The following MOCOS variants were observed in gnomAD, a reference collection of about 807,000 sequenced individuals.
MOCOS encodes the protein human molybdenum cofactor sulfurase.
In MOCOS, 86 loss-of-function variants were observed where a neutral mutation model predicts 83.6. That is an observed-to-expected ratio of 1.03 (90% CI 0.86 to 1.23). MOCOS has a LOEUF of 1.23. Among genes scored for constraint, MOCOS ranks in the 50% most tolerant of loss-of-function variants. MOCOS has a pLI of 0.00. For missense variants in MOCOS, 1,120 were observed against 1,126.9 expected, an observed-to-expected ratio of 0.99 and a Z score of 0.09; for synonymous variants, 445 against 434.7, an observed-to-expected ratio of 1.02 and a Z score of -0.29.
intron 11 of MOCOS, 72 bp downstream of exon 11, chr18:36,251,355 T>C (rs1474420053): frequency 7.6e-6 from 12 of 1,568,832 alleles, no homozygotes; most frequent in Non-Finnish European, 1.0e-5. Context: ...AAACAGCCCA[T>C]GAACTGCACT....
At chr18:36,211,808 T>C (rs1183905727) in intron 6 of MOCOS, among the ~76,000 whole-genome samples, 2 of 151,330 alleles carry the variant, frequency 1.3e-5, no homozygotes, top group Non-Finnish European at 2.9e-5. Context: ...GATCTGTGGG[T>C]CTTCCCCTAG....
chr18:36,218,858 TTTATTTA>T (rs1161553876), intron 8 of MOCOS, among the ~76,000 whole-genome samples: 1 of 147,938 alleles, frequency 6.8e-6, no homozygotes, highest in African/African-American at 2.5e-5. Context: ...TATTTATTTA[TTTATTTA>T]TTTATTTATT....
chr18:36,196,127 G>A lies in MOCOS; in HGVS notation c.232+781G>A, dbSNP rs189632669. 3.1e-3 allele frequency among the ~76,000 whole-genome samples: 468 copies of A among 152,288 alleles called. 3 individuals are homozygous for A. Among genetic ancestry groups the A allele is most frequent in the African/African-American group, 9.7e-3 (402 of 41,560 alleles). On this transcript the variant is annotated intron_variant, in intron 2 of 14. Transcript: ENST00000261326. ...GGGAGGGAGAAGAAGCCAGTGCAGG[G>A]CATTGTAGATGCTTGATCTTTGTTC...
intron 1 of MOCOS, among the ~76,000 whole-genome samples, chr18:36,192,256 G>A (rs185721451): frequency 1.3e-5 from 2 of 152,292 alleles, no homozygotes; most frequent in East Asian, 1.9e-4. Flanking sequence ...AACAAATTTA[G>A]CCAAGTGGTA....
At chr18:36,233,500 G>A (rs1004018290) in intron 9 of MOCOS, among the ~76,000 whole-genome samples, 1 of 152,182 alleles carries the variant, frequency 6.6e-6, no homozygotes, top group African/African-American at 2.4e-5. Context: ...ATAAACATAT[G>A]TGCACAAGTG....
In MOCOS at chr18:36,232,055, C is replaced by T. The variant is rs913356405; in HGVS notation, c.1960+11838C>T. Among the ~76,000 whole-genome samples, 29 of 152,312 alleles carry T rather than the reference C, an allele frequency of 1.9e-4. 1 individual carries two copies. The highest frequency in any genetic ancestry group is 6.7e-4 in the African/African-American group (28 of 41,572). The stretch of plus-strand genomic sequence containing the variant: ...AATCTCAGCTCACTGCAACCTCCAT[C>T]TCCTGGGCTCAAGCCTCAAGCGATC... On this transcript the variant is annotated intron_variant, in intron 9 of 14. Coordinates refer to ENST00000261326, the MANE Select transcript of MOCOS (RefSeq NM_017947.4).
At chr18:36,187,781 AT>A (rs2091347417) in intron 1 of MOCOS, 100 bp downstream of exon 1, 7 of 1,213,244 alleles carry the variant, frequency 5.8e-6, no homozygotes, top group Non-Finnish European at 7.2e-6. Context: ...ATTCGGGCGC[AT>A]TTTGAATCGA....
Position 36,220,125 on chromosome 18 carries a change from G to A in MOCOS, c.1868G>A (p.Gly623Asp). Residue 623 changes from glycine (G) to aspartate (D), a missense_variant, in exon 9 of 15, where the codon GGT becomes GAT. By Grantham distance (94) the Gly-to-Asp change is moderately conservative (BLOSUM62 -1). Coordinates refer to ENST00000261326, the MANE Select transcript of MOCOS (RefSeq NM_017947.4). Reference sequence around the variant, plus strand: ...AGCTGGATGGTTGTGAATCACAATGGTGTTTGCCTGAGTCAGAAGCAGGAA... The same window carrying A: ...AGCTGGATGGTTGTGAATCACAATGATGTTTGCCTGAGTCAGAAGCAGGAA... Reference protein sequence around the residue: ...DRSWMVVNHNGVCLSQKQEPR... With the variant: ...DRSWMVVNHNDVCLSQKQEPR... The A allele has an allele frequency of 6.2e-7, 1 of 1,614,150 alleles. No homozygotes were observed. Among genetic ancestry groups the A allele is most frequent in the Non-Finnish European group, 8.5e-7 (1 of 1,180,026 alleles).
At chr18:36,196,162 T>C (rs1418872383) in intron 2 of MOCOS, among the ~76,000 whole-genome samples, 1 of 152,184 alleles carries the variant, frequency 6.6e-6, no homozygotes, top group Non-Finnish European at 1.5e-5. Flanking sequence ...CTAGGAGCAA[T>C]GGCATTGTCA....
intron 6 of MOCOS, among the ~76,000 whole-genome samples, chr18:36,207,408 T>A (rs756572752): frequency 6.6e-6 from 1 of 152,196 alleles, no homozygotes; most frequent in Non-Finnish European, 1.5e-5. Flanking sequence ...CTAATTTACA[T>A]TCCCACTAGC....
intron 13 of MOCOS, 131 bp downstream of exon 13, chr18:36,260,306 G>A: frequency 1.6e-6 from 2 of 1,217,124 alleles, no homozygotes; most frequent in Non-Finnish European, 2.4e-6. Flanking sequence ...ATCTTGGTGG[G>A]AGGTTATGTA....
At chr18:36,236,812 C>T (rs1245349659) in intron 9 of MOCOS, among the ~76,000 whole-genome samples, 1 of 143,950 alleles carries the variant, frequency 6.9e-6, no homozygotes, top group Non-Finnish European at 1.5e-5. Context: ...TTTCGTTGAG[C>T]AGTGGTTTGT....
At position 36,251,197 on chromosome 18, in the gene MOCOS, G is replaced by T. The variant is rs1181531903; in HGVS notation, c.2078G>T (p.Trp693Leu). ...GATTGTGGAGAAAAAATTTCAAGCTGGTTGTCAACATTTTTTGGCCGTCCT... is the reference window on the plus strand; with the variant it reads ...GATTGTGGAGAAAAAATTTCAAGCTTGTTGTCAACATTTTTTGGCCGTCCT... Reference protein sequence around the residue: ...TYDCGEKISSWLSTFFGRPCH... With the variant: ...TYDCGEKISSLLSTFFGRPCH... Residue 693 changes from tryptophan (W) to leucine (L), a missense_variant, in exon 11 of 15, where the codon TGG becomes TTG. Coordinates refer to ENST00000261326, the MANE Select transcript of MOCOS (RefSeq NM_017947.4). 3.7e-6 allele frequency: 6 copies of T among 1,613,476 alleles called. No homozygotes were observed. Among genetic ancestry groups the T allele is most frequent in the African/African-American group, 1.3e-5 (1 of 74,848 alleles).
chr18:36,203,701 C>T (rs1199524842), intron 5 of MOCOS, among the ~76,000 whole-genome samples: 1 of 152,244 alleles, frequency 6.6e-6, no homozygotes, highest in East Asian at 1.9e-4. Flanking sequence ...ATGGTCTTCG[C>T]ATGAGGCATG....
At position 36,229,882 on chromosome 18, in the gene MOCOS, G is replaced by A. The variant is rs190200599; in HGVS notation, c.1960+9665G>A. On this transcript the variant is annotated intron_variant, in intron 9 of 14. Transcript: ENST00000261326. ...TTTTAACATTTTCTATTTCCTTGTC[G>A]AACTATTCATTTTGTTCATGCACTG... Among the ~76,000 whole-genome samples, 564 of 151,808 alleles carry A rather than the reference G, an allele frequency of 3.7e-3. 2 individuals carry two copies. Among genetic ancestry groups the A allele is most frequent in the African/African-American group, 0.013 (526 of 41,404 alleles).
At chr18:36,244,151 T>C (rs1307043146) in intron 9 of MOCOS, among the ~76,000 whole-genome samples, 1 of 152,086 alleles carries the variant, frequency 6.6e-6, no homozygotes, top group Non-Finnish European at 1.5e-5. Flanking sequence ...TATTTCTTTT[T>C]TTTTCTGTTT....
intron 14 of MOCOS, among the ~76,000 whole-genome samples, 181 bp from the exon 15 acceptor site, chr18:36,268,352 A>G (rs2091688355): frequency 6.6e-6 from 1 of 152,224 alleles, no homozygotes; most frequent in Non-Finnish European, 1.5e-5. Flanking sequence ...TTTGGGGTCT[A>G]AAGTTAGGAT....
At chr18:36,219,386 C>T (rs1772384199) in intron 8 of MOCOS, among the ~76,000 whole-genome samples, 2 of 151,934 alleles carry the variant, frequency 1.3e-5, no homozygotes, top group African/African-American at 4.8e-5. Flanking sequence ...GAAGGATATA[C>T]AAGAGCAAAG....
rs1043097806 is a variant in MOCOS, at chr18:36,271,528, T to C, written c.*2843T>C. On this transcript the variant is annotated 3_prime_UTR_variant, in exon 15 of 15. Transcript: ENST00000261326. ...TTTTATGTCCCCTCCTTGGTTCTTA[T>C]CTCCTGGAGTTCAGCCTTATGTGCT... 3.3e-5 allele frequency: 5 copies of C among 152,122 alleles called. No individual in the cohort carries two copies. The highest frequency in any genetic ancestry group is 6.5e-5 in the Admixed American group (1 of 15,282). 9.4% of individuals were successfully genotyped at this position (152,122 alleles called of 1,614,324 possible). A position where few individuals can be genotyped will look rare whatever the true frequency, so the allele number is the denominator to read the frequency against.
Sources: gnomAD v4.1 joint callset for allele counts (sites outside exome capture counted in the v4.1 genomes callset) on GRCh38, gnomAD v4.1.1 for gene constraint, MANE v1.5 for transcripts, NCBI Gene and HGNC (gene_info 2026-07-23, HGNC 2026-07-21) for gene names.